Variants in PATL1 observed in about 807,000 individuals in gnomAD.
PATL1 encodes the protein PAT1 homolog 1, processing body mRNA decay factor.
In PATL1, 32 loss-of-function variants were observed where a neutral mutation model predicts 100.6. The ratio of observed to expected loss-of-function variants is 0.32; its 90% CI spans 0.24 to 0.43. PATL1 has a LOEUF of 0.43. PATL1 is among the 20% of genes least tolerant of loss of function. The pLI is 1.00. For missense variants in PATL1, 747 were observed against 949.9 expected, an observed-to-expected ratio of 0.79 and a Z score of 2.81; for synonymous variants, 332 against 330.0, an observed-to-expected ratio of 1.01 and a Z score of -0.07.
chr11:59,656,123 A>T, intron 6 of PATL1, 78 bp from the exon 7 acceptor site: 1 of 845,576 alleles, frequency 1.2e-6, no homozygotes, highest in Non-Finnish European at 1.7e-6. Flanking sequence ...CTCAGCAGAA[A>T]TGCAGTATAA....
At chr11:59,646,981 A>G (rs994176147) in intron 15 of PATL1, among the ~76,000 whole-genome samples, 2 of 152,082 alleles carry the variant, frequency 1.3e-5, no homozygotes, top group Admixed American at 1.3e-4. Context: ...GCACTTTGGG[A>G]GGCCAAGGCA....
At chr11:59,651,421 A>C in intron 12 of PATL1, 123 bp downstream of exon 12, 1 of 687,864 alleles carries the variant, frequency 1.5e-6, no homozygotes. Context: ...ATGCATGACG[A>C]GGTGGGAGGC....
chr11:59,662,003 TTAAA>T (rs1281196171), intron 2 of PATL1, among the ~76,000 whole-genome samples: 13 of 152,352 alleles, frequency 8.5e-5, no homozygotes, highest in East Asian at 1.9e-4. Context: ...ATGTGACTAT[TTAAA>T]TAAACTAATT....
At chr11:59,655,034 G>C (rs917860181) in intron 8 of PATL1, among the ~76,000 whole-genome samples, 28 of 152,140 alleles carry the variant, frequency 1.8e-4, no homozygotes, top group African/African-American at 6.5e-4. Context: ...GCTTTTACCT[G>C]TTTCTTGCCT....
In PATL1 at chr11:59,652,815, C is replaced by G. The variant is rs79854102; in HGVS notation, c.1302+23G>C. 1,091 of 1,605,974 alleles carry G rather than the reference C, an allele frequency of 6.8e-4. 8 individuals carry two copies. In the African/African-American group the frequency reaches 0.012, roughly 17 times the overall value. On this transcript the variant is annotated intron_variant, in intron 10 of 18. Transcript: ENST00000300146. ...GTGTAGGGGACCAAACTATTATCCT[C>G]AAAACTAGCACAGAGTATTTACCTG...
intron 14 of PATL1, among the ~76,000 whole-genome samples, chr11:59,648,316 G>A (rs111688409): frequency 0.01 from 1,556 of 150,142 alleles, 39 homozygotes; most frequent in African/African-American, 0.036. Context: ...CTCCTGAGCA[G>A]CCGGGATTAT....
intron 10 of PATL1, 36 bp downstream of exon 10, chr11:59,652,802 A>G: frequency 1.3e-6 from 2 of 1,599,932 alleles, no homozygotes; most frequent in Non-Finnish European, 1.7e-6. Flanking sequence ...GTAGGGGACC[A>G]AACTATTATC....
At chr11:59,648,293 C>G (rs985775752) in intron 14 of PATL1, among the ~76,000 whole-genome samples, 15 of 147,202 alleles carry the variant, frequency 1.0e-4, no homozygotes, top group African/African-American at 3.8e-4. Flanking sequence ...TCAAGTGATT[C>G]TCCTGCCTCA....
At chr11:59,667,022 T>C (rs909251381) in intron 1 of PATL1, 58 bp from the exon 2 acceptor site, 21 of 1,513,408 alleles carry the variant, frequency 1.4e-5, no homozygotes, top group African/African-American at 4.2e-5. Context: ...ATTTTAAAAA[T>C]GTTCTAAAAA....
rs1390292260 is a variant in PATL1, at chr11:59,639,045, T to C, written c.2291+3A>G. 1.2e-6 allele frequency: 2 copies of C among 1,612,814 alleles called. No individual in the cohort carries two copies. Among genetic ancestry groups the C allele is most frequent in the Middle Eastern group, 1.7e-4 (1 of 6,050 alleles). On this transcript the variant is annotated splice_donor_region_variant and intron_variant, in intron 18 of 18. Transcript: ENST00000300146. Reference sequence around the variant, plus strand: ...ATGTGAAACTCTCCTGTTTCAAACTTACTGCAGTTTTGTCTCCAGCAAGTT... The same window carrying C: ...ATGTGAAACTCTCCTGTTTCAAACTCACTGCAGTTTTGTCTCCAGCAAGTT...
intron 7 of PATL1, 60 bp downstream of exon 7, chr11:59,655,896 T>G: frequency 7.1e-7 from 1 of 1,407,040 alleles, no homozygotes; most frequent in African/African-American, 1.4e-5. Flanking sequence ...GGGGCTATTA[T>G]CTAATGAACT....
intron 15 of PATL1, among the ~76,000 whole-genome samples, chr11:59,646,863 T>G (rs921038837): frequency 2.0e-5 from 3 of 152,184 alleles, no homozygotes; most frequent in Admixed American, 6.5e-5. Context: ...AAGAATTAAC[T>G]TGTACATGTG....
In PATL1 at chr11:59,639,311, A is replaced by G; in HGVS notation, c.2122T>C (p.Ser708Pro). 6.4e-7 allele frequency: 1 copy of G among 1,552,160 alleles called. No homozygotes were observed. Among genetic ancestry groups the G allele is most frequent in the Non-Finnish European group, 8.7e-7 (1 of 1,147,372 alleles). ...ACTGACCACTGATTATTTTGTGTTG[A>G]TTCTGTAGCAGGGTCTGAACTCTGT... ...DLQSSDPATESTQNNQWTEVM... is the reference protein window; with the variant it reads ...DLQSSDPATEPTQNNQWTEVM... The change falls in exon 17 of 19, where the codon TCA (serine) becomes CCA (proline). Residue 708 changes from serine (S) to proline (P), a missense_variant. Around this residue, in one of 4 missense-constraint regions of PATL1, gnomAD observed 434 missense variants for 596.1 expected, o/e 0.73. Coordinates refer to ENST00000300146, the MANE Select transcript of PATL1 (RefSeq NM_152716.3).
chr11:59,666,898 C>T lies in PATL1; in HGVS notation c.82G>A (p.Glu28Lys), dbSNP rs1177252318. 1.9e-6 allele frequency: 3 copies of T among 1,551,088 alleles called. No individual in the cohort carries two copies. The highest frequency in any genetic ancestry group is 2.0e-5 in the Admixed American group (1 of 50,994). Residue 28 changes from glutamate (E) to lysine (K), a missense_variant, in exon 2 of 19, where the codon GAG becomes AAG. By Grantham distance (56) the Glu-to-Lys change is moderately conservative. Transcript: ENST00000300146. Reference protein sequence around the residue: ...AFQGLGEEDEEIDQFNDDTFG... With the variant: ...AFQGLGEEDEKIDQFNDDTFG... ...GTATCATCATTGAATTGATCAATCT[C>T]TTCATCTTCTTCTCCCAGTCCCTGA... is the stretch of plus-strand genomic sequence containing the variant.
chr11:59,655,183 C>T (rs145760077), intron 8 of PATL1, among the ~76,000 whole-genome samples: 62 of 152,282 alleles, frequency 4.1e-4, no homozygotes, highest in African/African-American at 1.4e-3. Flanking sequence ...ATCCTGACTG[C>T]CACAATATGA....
intron 16 of PATL1, chr11:59,639,588 T>G (rs1446178462): frequency 3.9e-6 from 2 of 512,148 alleles, no homozygotes; most frequent in Admixed American, 7.1e-5. Context: ...GCCATAGCAG[T>G]GACCAGGCGC....
chr11:59,639,941 T>C (rs1391810933), intron 16 of PATL1: 1 of 152,574 alleles, frequency 6.6e-6, no homozygotes, highest in East Asian at 1.9e-4. Flanking sequence ...TACAAAGTCT[T>C]AGACAGAATG....
chr11:59,658,607 G>A (rs899369921), intron 4 of PATL1, among the ~76,000 whole-genome samples: 2 of 152,056 alleles, frequency 1.3e-5, no homozygotes, highest in Non-Finnish European at 2.9e-5. Flanking sequence ...ACACGCGTGA[G>A]CCACCACGCC....
At chr11:59,646,736 A>G (rs1861370487) in intron 15 of PATL1, among the ~76,000 whole-genome samples, 1 of 152,208 alleles carries the variant, frequency 6.6e-6, no homozygotes, top group Non-Finnish European at 1.5e-5. Flanking sequence ...TTGTACTAAT[A>G]TTCATCCTTT....
Sources: allele counts gnomAD v4.1 joint callset (sites outside exome capture counted in the v4.1 genomes callset), GRCh38; gene constraint gnomAD v4.1.1; regional missense constraint gnomAD v4.1.1; transcripts MANE v1.5; gene names NCBI Gene and HGNC (gene_info 2026-07-23, HGNC 2026-07-21).